Variants in FHIT observed in about 807,000 individuals in gnomAD.
FHIT encodes fragile histidine triad diadenosine triphosphatase.
Under a neutral mutation model 17.9 loss-of-function variants are expected in FHIT, and 19 were observed. The ratio of observed to expected loss-of-function variants is 1.06; its 90% confidence interval spans 0.74 to 1.56. The LOEUF (loss-of-function observed/expected upper bound fraction) is 1.56, where lower values mean the gene tolerates loss of function less well. Among genes scored for constraint, FHIT ranks in the 40% most tolerant of loss-of-function variants. The pLI is 0.00. For missense variants in FHIT, 248 were observed against 189.2 expected (o/e 1.31, Z -1.82); for synonymous variants, 81 against 69.7 (o/e 1.16, Z -0.81).
intron 2 of FHIT, among the ~76,000 whole-genome samples, chr3:61,071,188 G>A (rs2034794675): frequency 6.6e-6 from 1 of 151,878 alleles, no homozygotes; most frequent in African/African-American, 2.4e-5. Context: ...TGGAATGCAG[G>A]GCCTTGATAC....
At chr3:60,130,748 GT>G (rs1699508625) in intron 5 of FHIT, among the ~76,000 whole-genome samples, 2 of 16,528 alleles carry the variant, frequency 1.2e-4, no homozygotes, top group African/African-American at 4.1e-4. Context: ...GAATAGGGGT[GT>G]GTGTGTGTGT....
intron 3 of FHIT, among the ~76,000 whole-genome samples, chr3:60,956,215 C>T (rs564682578): frequency 3.9e-5 from 6 of 152,224 alleles, no homozygotes; most frequent in African/African-American, 1.4e-4. Flanking sequence ...CATATGTAAG[C>T]CTCTTAGTTA....
intron 5 of FHIT, among the ~76,000 whole-genome samples, chr3:60,210,679 A>C (rs1559730641): frequency 6.6e-6 from 1 of 152,192 alleles, no homozygotes; most frequent in Non-Finnish European, 1.5e-5. Context: ...TGACAAATGC[A>C]ATCGAAAACA....
chr3:60,520,422 G>T (rs372235768), intron 5 of FHIT, among the ~76,000 whole-genome samples: 9 of 152,022 alleles, frequency 5.9e-5, no homozygotes, highest in African/African-American at 1.9e-4. Flanking sequence ...TCCTGTGTAC[G>T]GATTATATCA....
At chr3:60,517,198 C>A (rs982655998) in intron 5 of FHIT, among the ~76,000 whole-genome samples, 10 of 152,102 alleles carry the variant, frequency 6.6e-5, no homozygotes, top group Non-Finnish European at 1.5e-4. Flanking sequence ...ATATTTTTAC[C>A]TGTGCAAATT....
chr3:60,281,826 G>C (rs979137666), intron 5 of FHIT, among the ~76,000 whole-genome samples: 2 of 151,998 alleles, frequency 1.3e-5, no homozygotes, highest in Non-Finnish European at 2.9e-5. Context: ...ATTTTAAATT[G>C]AATTGTATTA....
chr3:60,467,543 A>G (rs2032866235), intron 5 of FHIT, among the ~76,000 whole-genome samples: 1 of 152,026 alleles, frequency 6.6e-6, no homozygotes, highest in Non-Finnish European at 1.5e-5. Context: ...TTGTTTCAAT[A>G]TATTTTTAAA....
intron 3 of FHIT, among the ~76,000 whole-genome samples, chr3:60,871,447 A>T (rs1004432062): frequency 2.6e-5 from 4 of 152,262 alleles, no homozygotes; most frequent in African/African-American, 9.6e-5. Context: ...GTCTAATAAC[A>T]TAACACTGTC....
At chr3:60,521,545 C>A (rs2035369218) in intron 5 of FHIT, among the ~76,000 whole-genome samples, 2 of 152,126 alleles carry the variant, frequency 1.3e-5, no homozygotes, top group Non-Finnish European at 2.9e-5. Flanking sequence ...CTGTGCCCGG[C>A]CAAAAGTTAT....
rs946340273 is a variant in FHIT, at chr3:60,020,498, G to T, written c.104-6346C>A. Among the ~76,000 whole-genome samples the T allele has an allele frequency of 2.0e-5, 3 of 152,182 alleles. No individual in the cohort carries two copies. The South Asian group carries it at 6.2e-4, about 32-fold the overall frequency. On this transcript the variant is annotated intron_variant, in intron 5 of 9. Transcript: ENST00000492590. ...TGATTTTGATTAGGCTGATTAGCCT[G>T]TGTATATATTAATATGAAGTAAGGC...
At chr3:60,442,715 T>A (rs4679540) in intron 5 of FHIT, among the ~76,000 whole-genome samples, 1 of 151,916 alleles carries the variant, frequency 6.6e-6, no homozygotes, top group Admixed American at 6.6e-5. Context: ...GTGATGCCTC[T>A]AGCTTTGTTC....
At chr3:60,023,951 T>C (rs939750805) in intron 5 of FHIT, among the ~76,000 whole-genome samples, 1 of 151,536 alleles carries the variant, frequency 6.6e-6, no homozygotes, top group African/African-American at 2.4e-5. Flanking sequence ...CAGACTCAAC[T>C]TACTTAAATG....
intron 1 of FHIT, among the ~76,000 whole-genome samples, chr3:61,210,739 AC>A (rs1335578206): frequency 6.6e-6 from 1 of 151,804 alleles, no homozygotes; most frequent in African/African-American, 2.4e-5. Context: ...GAATTCACTG[AC>A]CCCTTGCGCT....
intron 5 of FHIT, among the ~76,000 whole-genome samples, chr3:60,196,685 A>T (rs887237128): frequency 2.6e-5 from 4 of 152,126 alleles, no homozygotes; most frequent in Admixed American, 2.6e-4. Context: ...TGTGTAACAT[A>T]CATACATACA....
chr3:60,739,660 A>G (rs1213449551), intron 4 of FHIT, among the ~76,000 whole-genome samples: 1 of 152,218 alleles, frequency 6.6e-6, no homozygotes, highest in Non-Finnish European at 1.5e-5. Flanking sequence ...TACTCCCTCA[A>G]TTATAACAAC....
At position 60,805,045 on chromosome 3, in the gene FHIT, T is replaced by C. The variant is rs72884585; in HGVS notation, c.-18+16874A>G. Among the ~76,000 whole-genome samples, 825 of 152,346 alleles carry C rather than the reference T, an allele frequency of 5.4e-3. 7 individuals are homozygous for C. Among genetic ancestry groups the C allele is most frequent in the African/African-American group, 0.019 (777 of 41,586 alleles). ...GAATATTTGGTAAAGAAGTAGATGG[T>C]CAGATGAAAGAATTGCTCTGCATAA... On this transcript the variant is annotated intron_variant, in intron 4 of 9. Coordinates refer to ENST00000492590, the MANE Select transcript of FHIT (RefSeq NM_002012.4).
At chr3:60,432,702 T>G (rs1702964214) in intron 5 of FHIT, among the ~76,000 whole-genome samples, 1 of 152,088 alleles carries the variant, frequency 6.6e-6, no homozygotes, top group South Asian at 2.1e-4. Flanking sequence ...CTGCCTCAAA[T>G]AGCTCACATG....
chr3:59,872,334 A>G (rs1702961334), intron 8 of FHIT, among the ~76,000 whole-genome samples: 1 of 152,190 alleles, frequency 6.6e-6, no homozygotes, highest in Admixed American at 6.5e-5. Context: ...CAACATACTG[A>G]GTTCATGAGG....
At chr3:59,855,321 T>TTA (rs1295315015) in intron 8 of FHIT, among the ~76,000 whole-genome samples, 1 of 152,156 alleles carries the variant, frequency 6.6e-6, no homozygotes, top group East Asian at 1.9e-4. Flanking sequence ...CCTCCCCCAT[T>TTA]TATCTTCTTG....
Sources: gnomAD v4.1 joint callset for allele counts (sites outside exome capture counted in the v4.1 genomes callset) on GRCh38, gnomAD v4.1.1 for gene constraint, MANE v1.5 for transcripts, NCBI Gene and HGNC (gene_info 2026-07-23, HGNC 2026-07-21) for gene names.